The following GNA14 variants were observed in gnomAD, a reference collection of about 807,000 sequenced individuals.
GNA14 encodes the protein G protein subunit alpha 14.
Under a neutral mutation model 42.0 loss-of-function variants are expected in GNA14, and 50 were observed. The observed-to-expected ratio is 1.19, with a 90% CI of 0.95 to 1.51. The LOEUF is 1.51. Ranked by LOEUF, GNA14 falls within the 40% of genes most tolerant of loss-of-function variation. The pLI is 0.00. For missense variants in GNA14, 473 were observed against 446.2 expected, an observed-to-expected ratio of 1.06 and a Z score of -0.54; for synonymous variants, 173 against 163.1, an observed-to-expected ratio of 1.06 and a Z score of -0.46.
chr9:77,646,487 TA>T (rs1261788744), intron 1 of GNA14, among the ~76,000 whole-genome samples: 2 of 151,938 alleles, frequency 1.3e-5, no homozygotes, highest in Non-Finnish European at 2.9e-5. Flanking sequence ...ACCCAGGGGA[TA>T]AGGATAAGGG....
chr9:77,536,175 A>T (rs1223456826), intron 1 of GNA14, among the ~76,000 whole-genome samples: 3 of 152,184 alleles, frequency 2.0e-5, no homozygotes, highest in Non-Finnish European at 2.9e-5. Context: ...ACAATTGGAG[A>T]CAGGGTTCAT....
At chr9:77,437,550 A>AAG (rs751271779) in intron 2 of GNA14, among the ~76,000 whole-genome samples, 1 of 145,042 alleles carries the variant, frequency 6.9e-6, no homozygotes, top group South Asian at 2.2e-4. Context: ...AAGAAAGAGA[A>AAG]AGAGAGAGAG....
At chr9:77,630,990 C>G (rs1312360282) in intron 1 of GNA14, among the ~76,000 whole-genome samples, 1 of 152,070 alleles carries the variant, frequency 6.6e-6, no homozygotes, top group Non-Finnish European at 1.5e-5. Context: ...GGAAAGAATT[C>G]CCAGATATAT....
intron 1 of GNA14, among the ~76,000 whole-genome samples, chr9:77,613,576 T>C (rs1043995603): frequency 6.6e-6 from 1 of 152,140 alleles, no homozygotes; most frequent in Non-Finnish European, 1.5e-5. Context: ...AGGAGGAAAT[T>C]TGGGGAGGGG....
At chr9:77,593,622 A>G (rs1174948841) in intron 1 of GNA14, among the ~76,000 whole-genome samples, 1 of 152,178 alleles carries the variant, frequency 6.6e-6, no homozygotes, top group Non-Finnish European at 1.5e-5. Context: ...TGAAGGCTGA[A>G]GGAGATGCAA....
intron 2 of GNA14, among the ~76,000 whole-genome samples, chr9:77,478,559 G>T (rs1303691887): frequency 6.6e-6 from 1 of 152,110 alleles, no homozygotes; most frequent in South Asian, 2.1e-4. Context: ...GGGATGGCTG[G>T]GTCAAATGGT....
intron 1 of GNA14, among the ~76,000 whole-genome samples, chr9:77,531,217 T>C (rs1165685185): frequency 6.6e-6 from 1 of 152,090 alleles, no homozygotes; most frequent in Admixed American, 6.5e-5. Flanking sequence ...CCCAAAGAAA[T>C]GGTCAATGAA....
At chr9:77,464,349 ATATGTGTG>A (rs1254492097) in intron 2 of GNA14, among the ~76,000 whole-genome samples, 2 of 101,958 alleles carry the variant, frequency 2.0e-5, no homozygotes, top group African/African-American at 4.4e-5. Context: ...GTGTGTGTGT[ATATGTGTG>A]TGTGTGTGTG....
At chr9:77,489,934 T>TA (rs1423429133) in intron 2 of GNA14, among the ~76,000 whole-genome samples, 8 of 152,278 alleles carry the variant, frequency 5.3e-5, no homozygotes, top group African/African-American at 1.9e-4. Context: ...AGCCTGTTTT[T>TA]ATTCTTATCT....
intron 2 of GNA14, among the ~76,000 whole-genome samples, chr9:77,527,271 A>G (rs1277781084): frequency 6.6e-6 from 1 of 152,192 alleles, no homozygotes; most frequent in African/African-American, 2.4e-5. Flanking sequence ...AAAGAACTGT[A>G]CCTTTTCAAA....
At chr9:77,513,263 T>A (rs185996580) in intron 2 of GNA14, among the ~76,000 whole-genome samples, 7 of 152,282 alleles carry the variant, frequency 4.6e-5, no homozygotes, top group African/African-American at 1.4e-4. Flanking sequence ...TCAAGAAGCA[T>A]ACAGAACAAT....
chr9:77,576,875 G>A lies in GNA14; in HGVS notation c.125-47622C>T, dbSNP rs12376229. On this transcript the variant is annotated intron_variant, in intron 1 of 6. Coordinates refer to ENST00000341700, the MANE Select transcript of GNA14 (RefSeq NM_004297.4). ...ATATTTTCCAGGGTAAATGACATACGACATTATGAAAATATGAGCCTCATA... is the reference window on the plus strand; with the variant it reads ...ATATTTTCCAGGGTAAATGACATACAACATTATGAAAATATGAGCCTCATA... Among the ~76,000 whole-genome samples, 160 of 151,666 alleles carry A rather than the reference G, an allele frequency of 1.1e-3. 1 individual carries two copies. Among genetic ancestry groups the A allele is most frequent in the South Asian group, 1.7e-3 (8 of 4,772 alleles).
intron 1 of GNA14, among the ~76,000 whole-genome samples, chr9:77,628,421 T>C (rs1022534571): frequency 2.6e-5 from 4 of 152,092 alleles, no homozygotes; most frequent in African/African-American, 9.7e-5. Flanking sequence ...AAAGAGCCCA[T>C]ATAGCCAATA....
At chr9:77,433,369 A>G (rs575707598) in intron 3 of GNA14, among the ~76,000 whole-genome samples, 9 of 152,010 alleles carry the variant, frequency 5.9e-5, no homozygotes, top group African/African-American at 2.2e-4. Context: ...CCGGGATATT[A>G]TTATTTATTT....
At chr9:77,589,419 T>G (rs1255612960) in intron 1 of GNA14, among the ~76,000 whole-genome samples, 3 of 152,234 alleles carry the variant, frequency 2.0e-5, no homozygotes, top group Admixed American at 6.5e-5. Context: ...TTTTGTTTGT[T>G]TGTTTTTGGA....
intron 1 of GNA14, among the ~76,000 whole-genome samples, chr9:77,623,215 T>C (rs1276010985): frequency 1.7e-4 from 1 of 5,858 alleles, no homozygotes; most frequent in African/African-American, 3.0e-4. Flanking sequence ...AGACGCTGTC[T>C]CAAAAAAAAA....
intron 1 of GNA14, among the ~76,000 whole-genome samples, chr9:77,577,622 C>G (rs1823149013): frequency 6.6e-6 from 1 of 152,164 alleles, no homozygotes; most frequent in Non-Finnish European, 1.5e-5. Flanking sequence ...CATGGAGAAT[C>G]ATTTTAGCAC....
At chr9:77,519,750 C>A (rs1837321248) in intron 2 of GNA14, among the ~76,000 whole-genome samples, 1 of 152,112 alleles carries the variant, frequency 6.6e-6, no homozygotes, top group Non-Finnish European at 1.5e-5. Flanking sequence ...GTAACTCACA[C>A]CTGTAGTCCC....
chr9:77,623,836 GGCT>G (rs1339723885), intron 1 of GNA14, among the ~76,000 whole-genome samples: 2 of 152,154 alleles, frequency 1.3e-5, no homozygotes, highest in African/African-American at 2.4e-5. Context: ...CACAAAACTG[GGCT>G]GCTGTTTGGG....
Sources: allele counts gnomAD v4.1 joint callset (sites outside exome capture counted in the v4.1 genomes callset), GRCh38; gene constraint gnomAD v4.1.1; transcripts MANE v1.5; gene names NCBI Gene and HGNC (gene_info 2026-07-23, HGNC 2026-07-21).